RALGAPA1: variants seen among roughly 807,000 people sequenced by gnomAD.
RALGAPA1 encodes ral GTPase-activating protein subunit alpha-1.
RALGAPA1 carries 52 observed loss-of-function variants against 269.6 expected under a neutral mutation model. The ratio of observed to expected loss-of-function variants is 0.19; its 90% CI spans 0.15 to 0.24. The LOEUF is 0.24. Ranked by LOEUF, RALGAPA1 falls within the 10% of genes least tolerant of loss-of-function variation. The pLI, the probability that RALGAPA1 is intolerant of heterozygous loss-of-function variation, is 1.00. For missense variants in RALGAPA1, 1,917 were observed against 3,013.9 expected (o/e 0.64, Z 8.52); for synonymous variants, 817 against 1,008.3 (o/e 0.81, Z 3.60).
At chr14:35,796,068 G>T (rs2141854984) in intron 1 of RALGAPA1, among the ~76,000 whole-genome samples, 1 of 152,242 alleles carries the variant, frequency 6.6e-6, no homozygotes, top group African/African-American at 2.4e-5. Context: ...AAACAACCCA[G>T]GATAAGAAAA....
chr14:35,668,405 C>A (rs2064130812), intron 26 of RALGAPA1, among the ~76,000 whole-genome samples: 1 of 152,040 alleles, frequency 6.6e-6, no homozygotes. Context: ...ATCACTTGAA[C>A]CTGGGAGGCA....
chr14:35,549,157 G>A lies in RALGAPA1; in HGVS notation c.7574C>T (p.Ala2525Val). The A allele has an allele frequency of 6.2e-7, 1 of 1,612,006 alleles. No homozygotes were observed. The highest frequency in any genetic ancestry group is 1.1e-5 in the South Asian group (1 of 90,996). ...LEPTTFEDFA[A>V]QVFSPAPYHH... ...GTAGGGAGCTGGAGAAAAAACCTGT[G>A]CTGCAAAATCTTCAAATGTTGTTGG... Residue 2525 changes from alanine to valine, a missense_variant, in exon 40 of 42, where the codon GCA becomes GTA. Ala to Val is a moderately conservative substitution (Grantham distance 64). Around this residue, in one of 11 missense-constraint regions of RALGAPA1, gnomAD observed 91 missense variants for 130.9 expected, o/e 0.70. Coordinates refer to ENST00000680220, the MANE Select transcript of RALGAPA1 (RefSeq NM_001346249.2).
At chr14:35,649,030 T>C (rs1036902859) in intron 31 of RALGAPA1, among the ~76,000 whole-genome samples, 7 of 152,368 alleles carry the variant, frequency 4.6e-5, no homozygotes, top group Admixed American at 3.3e-4. Flanking sequence ...TGATTTCATA[T>C]ATTCTCACAA....
intron 37 of RALGAPA1, among the ~76,000 whole-genome samples, chr14:35,582,169 T>A (rs72642578): frequency 3.9e-5 from 6 of 152,130 alleles, no homozygotes; most frequent in Non-Finnish European, 8.8e-5. Context: ...TTCCTAGAAC[T>A]GGCAAATTCA....
intron 1 of RALGAPA1, among the ~76,000 whole-genome samples, chr14:35,796,453 C>A (rs985963204): frequency 6.6e-6 from 1 of 151,916 alleles, no homozygotes; most frequent in Non-Finnish European, 1.5e-5. Context: ...AAACGTAAGG[C>A]GGGGAGAAAG....
chr14:35,616,621 T>C (rs2060270096), intron 35 of RALGAPA1, among the ~76,000 whole-genome samples: 1 of 152,186 alleles, frequency 6.6e-6, no homozygotes, highest in Non-Finnish European at 1.5e-5. Flanking sequence ...GGGGAAACTC[T>C]ACAGGGGGAA....
In RALGAPA1 at chr14:35,795,989, CA is replaced by C. The variant is rs557117385; in HGVS notation, c.106+12740del. On this transcript the variant is annotated intron_variant, in intron 1 of 41. Coordinates refer to ENST00000680220, the MANE Select transcript of RALGAPA1 (RefSeq NM_001346249.2). ...GAATTTACAGATATAGGAAAATATC[CA>C]AAATATAAGAAAGTAAAATTCAGAA... 2.3e-3 allele frequency among the ~76,000 whole-genome samples: 355 copies of C among 151,816 alleles called. 2 individuals are homozygous for C. The highest frequency in any genetic ancestry group is 4.1e-3 in the Admixed American group (63 of 15,236).
intron 1 of RALGAPA1, 143 bp from the exon 2 acceptor site, chr14:35,775,888 T>C (rs887912479): frequency 2.4e-5 from 21 of 861,652 alleles, no homozygotes; most frequent in Admixed American, 8.7e-5. Flanking sequence ...TATATTTCTA[T>C]GTCTATATCC....
chr14:35,715,772 C>A (rs2068762829), intron 16 of RALGAPA1: 1 of 985,346 alleles, frequency 1.0e-6, no homozygotes, highest in East Asian at 1.1e-4. Context: ...TTCAGTCATC[C>A]AACCTTGAAG....
At chr14:35,787,663 C>T (rs1316155774) in intron 1 of RALGAPA1, among the ~76,000 whole-genome samples, 1 of 150,970 alleles carries the variant, frequency 6.6e-6, no homozygotes, top group Non-Finnish European at 1.5e-5. Flanking sequence ...GCTGCAGCTT[C>T]GACCTCTGGG....
intron 1 of RALGAPA1, among the ~76,000 whole-genome samples, chr14:35,792,328 T>A (rs1167977547): frequency 6.6e-6 from 1 of 152,064 alleles, no homozygotes; most frequent in African/African-American, 2.4e-5. Flanking sequence ...AGCTAATTTT[T>A]GTATTTTCAG....
intron 4 of RALGAPA1, among the ~76,000 whole-genome samples, chr14:35,769,187 T>C (rs1209699321): frequency 3.3e-5 from 5 of 150,278 alleles, no homozygotes; most frequent in Admixed American, 1.3e-4. Context: ...ATATGACAAA[T>C]AGTTAGACTG....
At chr14:35,700,419 A>C in intron 16 of RALGAPA1, 117 bp from the exon 17 acceptor site, 2 of 762,812 alleles carry the variant, frequency 2.6e-6, no homozygotes, top group Non-Finnish European at 3.7e-6. Context: ...AAGGAAGGAA[A>C]TTATAAATTA....
intron 22 of RALGAPA1, 42 bp downstream of exon 22, chr14:35,677,908 C>T (rs1270778312): frequency 6.3e-7 from 1 of 1,575,074 alleles, no homozygotes; most frequent in Non-Finnish European, 8.7e-7. Context: ...GACACTGACG[C>T]CCTAAAAGAA....
intron 39 of RALGAPA1, among the ~76,000 whole-genome samples, chr14:35,551,417 G>A (rs960484862): frequency 2.0e-5 from 3 of 152,054 alleles, no homozygotes; most frequent in African/African-American, 7.2e-5. Flanking sequence ...CAAAGGTGCT[G>A]CCAGGAAGCA....
At chr14:35,726,236 T>C (rs2069900103) in intron 13 of RALGAPA1, among the ~76,000 whole-genome samples, 1 of 152,136 alleles carries the variant, frequency 6.6e-6, no homozygotes, top group Non-Finnish European at 1.5e-5. Context: ...TATCACTACA[T>C]TAAAAATATC....
chr14:35,681,822 C>T (rs964837004), intron 21 of RALGAPA1, among the ~76,000 whole-genome samples: 4 of 152,138 alleles, frequency 2.6e-5, no homozygotes, highest in African/African-American at 9.7e-5. Context: ...CCTATCCTTC[C>T]CAAGTAAGTG....
intron 36 of RALGAPA1, among the ~76,000 whole-genome samples, chr14:35,602,506 T>C (rs544312934): frequency 6.6e-6 from 1 of 152,350 alleles, no homozygotes; most frequent in South Asian, 2.1e-4. Context: ...ATTATAGTTA[T>C]CTTAATGGGT....
intron 1 of RALGAPA1, among the ~76,000 whole-genome samples, chr14:35,786,911 T>A (rs1026039070): frequency 6.6e-6 from 1 of 152,194 alleles, no homozygotes; most frequent in Non-Finnish European, 1.5e-5. Flanking sequence ...GACGTACATC[T>A]CATATATGAG....
Sources: gnomAD v4.1 joint callset for allele counts (sites outside exome capture counted in the v4.1 genomes callset) on GRCh38, gnomAD v4.1.1 for gene constraint, gnomAD v4.1.1 regional missense constraint, MANE v1.5 for transcripts, NCBI Gene and HGNC (gene_info 2026-07-23, HGNC 2026-07-21) for gene names.